The following SNAP91 variants were observed in gnomAD, a reference collection of about 807,000 sequenced individuals.
The protein encoded by SNAP91 is clathrin coat assembly protein AP180.
SNAP91 carries 27 observed loss-of-function variants against 100.3 expected under a neutral mutation model. The ratio of observed to expected loss-of-function variants is 0.27; its 90% CI spans 0.20 to 0.37. The LOEUF (loss-of-function observed/expected upper bound fraction) is 0.37. Ranked by LOEUF, SNAP91 falls within the 10% of genes least tolerant of loss-of-function variation. The pLI is 1.00. For missense variants in SNAP91, 986 were observed against 1,123.7 expected, an observed-to-expected ratio of 0.88 and a Z score of 1.75; for synonymous variants, 404 against 398.6, an observed-to-expected ratio of 1.01 and a Z score of -0.16.
chr6:83,593,576 G>C lies in SNAP91; in HGVS notation c.1598C>G (p.Ala533Gly). The change falls in exon 18 of 30, where the codon GCT (alanine) becomes GGT (glycine). Residue 533 changes from alanine to glycine, a missense_variant. Ala to Gly is a moderately conservative substitution (Grantham distance 60). Transcript: ENST00000369694. ...PSPAPAVAAA[A>G]AATTAATAAA... ...GGCGGTGGCAGCAGTAGTGGCAGCAGCAGCAGCTGCAACGGCAGGAGCAGG... is the reference window on the plus strand; with the variant it reads ...GGCGGTGGCAGCAGTAGTGGCAGCACCAGCAGCTGCAACGGCAGGAGCAGG... 6.4e-7 allele frequency: 1 copy of C among 1,559,220 alleles called. No individual in the cohort carries two copies. Among genetic ancestry groups the C allele is most frequent in the Non-Finnish European group, 8.7e-7 (1 of 1,150,772 alleles).
intron 28 of SNAP91, among the ~76,000 whole-genome samples, chr6:83,556,545 C>A (rs1779185599): frequency 6.6e-6 from 1 of 152,156 alleles, no homozygotes; most frequent in South Asian, 2.1e-4. Context: ...ATTTGGCTTT[C>A]TTGAACTTCT....
At chr6:83,605,872 G>A (rs766997968) in intron 13 of SNAP91, 69 bp from the exon 14 acceptor site, 115 of 1,209,726 alleles carry the variant, frequency 9.5e-5, no homozygotes, top group Non-Finnish European at 1.3e-4. Context: ...TTTGAATAAA[G>A]ACATGCAGAA....
At chr6:83,626,252 G>T (rs2096923806) in intron 8 of SNAP91, among the ~76,000 whole-genome samples, 1 of 151,998 alleles carries the variant, frequency 6.6e-6, no homozygotes, top group Non-Finnish European at 1.5e-5. Flanking sequence ...TGCTGTTTTG[G>T]TTACTGCACC....
chr6:83,615,569 C>A (rs1370093264), intron 10 of SNAP91, among the ~76,000 whole-genome samples: 1 of 152,102 alleles, frequency 6.6e-6, no homozygotes, highest in East Asian at 1.9e-4. Flanking sequence ...GTCTGATCAT[C>A]CCCGGCCACG....
At chr6:83,600,216 G>T (rs2095014584) in intron 16 of SNAP91, among the ~76,000 whole-genome samples, 1 of 152,210 alleles carries the variant, frequency 6.6e-6, no homozygotes, top group South Asian at 2.1e-4. Context: ...CAACAAAGCT[G>T]TGTCTAGTGG....
chr6:83,605,132 C>T (rs1474841991), intron 14 of SNAP91, among the ~76,000 whole-genome samples: 1 of 147,786 alleles, frequency 6.8e-6, no homozygotes, highest in African/African-American at 2.5e-5. Flanking sequence ...GAATCAAGTG[C>T]TTAGATGTGA....
intron 8 of SNAP91, among the ~76,000 whole-genome samples, chr6:83,633,573 G>A (rs2097298402): frequency 1.3e-5 from 2 of 152,068 alleles, no homozygotes; most frequent in African/African-American, 4.8e-5. Flanking sequence ...GGGGTTGGGG[G>A]TGAGGTTCCC....
At chr6:83,623,831 T>A (rs1268207022) in intron 8 of SNAP91, among the ~76,000 whole-genome samples, 2 of 152,098 alleles carry the variant, frequency 1.3e-5, no homozygotes, top group Non-Finnish European at 2.9e-5. Context: ...AATATGAAAT[T>A]ATACAAATAT....
intron 2 of SNAP91, among the ~76,000 whole-genome samples, chr6:83,669,780 G>T (rs2098750564): frequency 6.6e-6 from 1 of 151,928 alleles, no homozygotes; most frequent in South Asian, 2.1e-4. Context: ...CTTTCAGTTA[G>T]CTAATTACTT....
intron 8 of SNAP91, among the ~76,000 whole-genome samples, chr6:83,630,214 G>A (rs1290028876): frequency 6.6e-6 from 1 of 151,944 alleles, no homozygotes; most frequent in African/African-American, 2.4e-5. Context: ...TGATCATGGT[G>A]GATTATCTTT....
At chr6:83,697,561 A>AT (rs2099235395) in intron 2 of SNAP91, among the ~76,000 whole-genome samples, 1 of 152,052 alleles carries the variant, frequency 6.6e-6, no homozygotes, top group African/African-American at 2.4e-5. Flanking sequence ...CAATTTTCTG[A>AT]TTTTCCCCAG....
chr6:83,574,882 G>A, intron 26 of SNAP91, 128 bp downstream of exon 26: 1 of 593,588 alleles, frequency 1.7e-6, no homozygotes, highest in Non-Finnish European at 2.9e-6. Flanking sequence ...AGTGCTACTT[G>A]CTTATATTTC....
chr6:83,667,146 T>TA (rs1400824608), intron 2 of SNAP91, among the ~76,000 whole-genome samples: 1 of 151,972 alleles, frequency 6.6e-6, no homozygotes, highest in African/African-American at 2.4e-5. Context: ...AACGCATGGG[T>TA]AAAAAAATGC....
intron 9 of SNAP91, 108 bp downstream of exon 9, chr6:83,623,193 G>T: frequency 2.5e-6 from 2 of 805,138 alleles, no homozygotes; most frequent in Non-Finnish European, 4.0e-6. Context: ...AAGTTGGTTG[G>T]CCTAAGTTCA....
chr6:83,707,756 C>T, intron 2 of SNAP91, 42 bp downstream of exon 2: 2 of 1,608,276 alleles, frequency 1.2e-6, no homozygotes, highest in Non-Finnish European at 1.7e-6. Context: ...TCCCAGGCGC[C>T]TCTGCCGTGC....
chr6:83,672,774 C>T (rs1309939986), intron 2 of SNAP91, among the ~76,000 whole-genome samples: 3 of 152,154 alleles, frequency 2.0e-5, no homozygotes, highest in East Asian at 3.9e-4. Context: ...AGTGAATCAA[C>T]AAATTAGAAA....
rs779498922 is a variant in SNAP91 at position 83,601,421 on chromosome 6, A to G, written c.1174T>C (p.Ser392Pro). The part of the protein sequence containing the change: ...LLGEDSLAAL[S>P]SVPSEAQISD... ...ATCTGTGCTTCAGAGGGAACAGAGG[A>G]AAGTGCAGCCAAAGAATCTATATTT... The change falls in exon 16 of 30, where the codon TCC (serine) becomes CCC (proline). Residue 392 changes from serine (S) to proline (P), a missense_variant. Ser to Pro is a moderately conservative substitution (Grantham distance 74). This residue lies in a region of SNAP91 where 575 missense variants were observed against 579.9 expected (regional missense o/e 0.99). Transcript: ENST00000369694. 1.9e-6 allele frequency: 3 copies of G among 1,613,614 alleles called. No homozygotes were observed. Among genetic ancestry groups the G allele is most frequent in the Non-Finnish European group, 8.5e-7 (1 of 1,179,740 alleles).
rs573266172 is a variant in SNAP91 at position 83,647,397 on chromosome 6, T to C, written c.659-6195A>G. Among the ~76,000 whole-genome samples the C allele has an allele frequency of 7.2e-5, 11 of 152,328 alleles. No individual in the cohort carries two copies. In the East Asian group the frequency reaches 1.7e-3, roughly 24 times the overall value. On this transcript the variant is annotated intron_variant, in intron 7 of 29. Coordinates refer to ENST00000369694, the MANE Select transcript of SNAP91 (RefSeq NM_001242792.2). ...ATTCTTAGTTCACTGATAATTTTTGTCATGAATGGGTGTTGGATTTCATCA... is the reference window on the plus strand; with the variant it reads ...ATTCTTAGTTCACTGATAATTTTTGCCATGAATGGGTGTTGGATTTCATCA...
At chr6:83,650,501 C>T (rs1485343799) in intron 7 of SNAP91, among the ~76,000 whole-genome samples, 4 of 152,192 alleles carry the variant, frequency 2.6e-5, no homozygotes, top group African/African-American at 9.7e-5. Context: ...TCACTGCAAC[C>T]TCCACCTCCT....
Sources: gnomAD v4.1 joint callset for allele counts (sites outside exome capture counted in the v4.1 genomes callset) on GRCh38, gnomAD v4.1.1 for gene constraint, gnomAD v4.1.1 regional missense constraint, MANE v1.5 for transcripts, NCBI Gene and HGNC (gene_info 2026-07-23, HGNC 2026-07-21) for gene names.